DNAH8: variants seen among roughly 807,000 people sequenced by gnomAD.
The protein encoded by DNAH8 is axonemal beta dynein heavy chain 8.
In DNAH8, 382 loss-of-function variants were observed where a neutral mutation model predicts 562.1. The observed-to-expected ratio is 0.68, with a 90% CI of 0.63 to 0.74. The LOEUF is 0.74. DNAH8 is among the 30% of genes least tolerant of loss of function. The pLI is 0.00. For synonymous variants in DNAH8, 1,881 were observed against 1,919.4 expected (o/e 0.98, Z 0.52); for missense variants, 5,203 against 5,620.4 (o/e 0.93, Z 2.37).
Position 38,929,677 on chromosome 6 carries a change from T to TG in DNAH8, c.11274+11_11274+12insG. ...GGCACCACTTTCAAGGTGAGCTTTG[T>TG]AAAAAAAAAAAAAAAGAAAGAAAGA... On this transcript the variant is annotated intron_variant, in intron 75 of 92. Transcript: ENST00000327475. 1.8e-6 allele frequency: 2 copies of TG among 1,097,532 alleles called. No homozygotes were observed. The highest frequency in any genetic ancestry group is 6.3e-5 in the East Asian group (2 of 31,986). 68.0% of individuals were successfully genotyped at this position (1,097,532 alleles called of 1,614,324 possible).
chr6:38,934,351 T>C (rs1423951007), intron 76 of DNAH8, among the ~76,000 whole-genome samples: 5 of 150,966 alleles, frequency 3.3e-5, no homozygotes, highest in Non-Finnish European at 7.4e-5. Flanking sequence ...AGACTCCATC[T>C]CAAAAAAACA....
intron 36 of DNAH8, among the ~76,000 whole-genome samples, chr6:38,847,353 A>G (rs535366545): frequency 7.3e-5 from 11 of 151,562 alleles, no homozygotes; most frequent in Admixed American, 5.3e-4. Flanking sequence ...TGGCCTATCT[A>G]GTTGCTTCAT....
chr6:38,763,340 A>T, intron 11 of DNAH8: 1 of 222,320 alleles, frequency 4.5e-6, no homozygotes, highest in South Asian at 7.1e-5. Context: ...TATAGTTTTT[A>T]TGCTTGGACA....
At chr6:38,923,415 A>G in intron 72 of DNAH8, 2 of 400,020 alleles carry the variant, frequency 5.0e-6, no homozygotes, top group South Asian at 3.6e-5. Context: ...TGCTTTTGAT[A>G]TTGTTTGGAT....
chr6:38,773,035 T>C (rs1219129711), intron 12 of DNAH8, among the ~76,000 whole-genome samples: 2 of 146,420 alleles, frequency 1.4e-5, no homozygotes, highest in African/African-American at 5.1e-5. Flanking sequence ...TGAGCTGGTC[T>C]TGAACTCCTG....
chr6:38,734,335 C>CCT, intron 4 of DNAH8, 139 bp from the exon 5 acceptor site: 2 of 557,574 alleles, frequency 3.6e-6, no homozygotes, highest in South Asian at 2.4e-5. Context: ...GACCCCCCCC[C>CCT]AAAAAAATTA....
chr6:38,904,863 A>G (rs1051033941), intron 62 of DNAH8, among the ~76,000 whole-genome samples: 5 of 151,884 alleles, frequency 3.3e-5, no homozygotes, highest in African/African-American at 4.8e-5. Flanking sequence ...GATATGCATG[A>G]CGACACTTTC....
At position 38,775,937 on chromosome 6, in the gene DNAH8, A is replaced by G; in HGVS notation, c.1948A>G (p.Ile650Val). The G allele has an allele frequency of 6.2e-7, 1 of 1,610,446 alleles. No individual in the cohort carries two copies. The highest frequency in any genetic ancestry group is 1.7e-4 in the Middle Eastern group (1 of 6,034). The stretch of plus-strand genomic sequence containing the variant: ...AGATTTCTTAGATTTCATGACAAAA[A>G]TCAATGGTTTAGAGGTAAGTAATTA... ...DTDFLDFMTK[I>V]NGLEVQIQAF... Residue 650 changes from isoleucine to valine, a missense_variant, in exon 13 of 93, where the codon ATC becomes GTC. By Grantham distance (29) the Ile-to-Val change is conservative (BLOSUM62 3). Coordinates refer to ENST00000327475, the MANE Select transcript of DNAH8 (RefSeq NM_001206927.2).
chr6:38,723,600 C>A, intron 3 of DNAH8, 129 bp downstream of exon 3: 1 of 1,206,510 alleles, frequency 8.3e-7, no homozygotes, highest in Non-Finnish European at 1.2e-6. Context: ...TGGGGCAGGG[C>A]ACAGTGGCTC....
intron 56 of DNAH8, among the ~76,000 whole-genome samples, chr6:38,885,617 T>C (rs1561816472): frequency 6.6e-6 from 1 of 152,248 alleles, no homozygotes; most frequent in Non-Finnish European, 1.5e-5. Context: ...CCCGTGACTC[T>C]TTGCTTCCAC....
chr6:38,786,286 AT>A (rs1186336007), intron 17 of DNAH8, among the ~76,000 whole-genome samples: 1 of 152,154 alleles, frequency 6.6e-6, no homozygotes, highest in Non-Finnish European at 1.5e-5. Flanking sequence ...TTTCTTACTG[AT>A]TTTGAGCCTA....
At chr6:38,910,625 T>C (rs1780816829) in intron 65 of DNAH8, among the ~76,000 whole-genome samples, 1 of 150,548 alleles carries the variant, frequency 6.6e-6, no homozygotes, top group Non-Finnish European at 1.5e-5. Flanking sequence ...AATTTTTACC[T>C]TTGTGCAGCT....
At chr6:38,994,066 AGC>A (rs1301234221) in intron 88 of DNAH8, among the ~76,000 whole-genome samples, 5 of 55,854 alleles carry the variant, frequency 9.0e-5, no homozygotes, top group Admixed American at 8.5e-4. Flanking sequence ...TCATCAACAG[AGC>A]GCTGGTGAGG....
intron 24 of DNAH8, among the ~76,000 whole-genome samples, chr6:38,812,072 A>G (rs747722031): frequency 6.6e-6 from 1 of 152,152 alleles, no homozygotes; most frequent in Non-Finnish European, 1.5e-5. Flanking sequence ...CATCATCTGC[A>G]AGACAGATGG....
At chr6:38,798,511 C>T (rs951918061) in intron 21 of DNAH8, among the ~76,000 whole-genome samples, 5 of 152,022 alleles carry the variant, frequency 3.3e-5, no homozygotes, top group Admixed American at 1.3e-4. Context: ...CTGTTCATGA[C>T]GTGTTATAGA....
At chr6:38,806,131 T>G (rs991580616) in intron 23 of DNAH8, among the ~76,000 whole-genome samples, 4 of 152,184 alleles carry the variant, frequency 2.6e-5, no homozygotes, top group Non-Finnish European at 4.4e-5. Context: ...TTTTTCCTTC[T>G]TAGTCCTCAC....
chr6:38,841,531 C>G (rs1774789186), intron 33 of DNAH8, among the ~76,000 whole-genome samples: 1 of 152,120 alleles, frequency 6.6e-6, no homozygotes, highest in Non-Finnish European at 1.5e-5. Context: ...AATGTCAATC[C>G]TTATAAATAA....
At chr6:38,778,020 AAAG>A (rs1187029123) in intron 13 of DNAH8, among the ~76,000 whole-genome samples, 1 of 152,258 alleles carries the variant, frequency 6.6e-6, no homozygotes, top group Non-Finnish European at 1.5e-5. Context: ...ATAAAAGTAA[AAAG>A]AAGCAGGTGA....
chr6:38,920,600 CACA>C (rs1411136262), intron 70 of DNAH8, among the ~76,000 whole-genome samples: 3 of 152,044 alleles, frequency 2.0e-5, no homozygotes, highest in African/African-American at 7.2e-5. Flanking sequence ...TAGTATTTAT[CACA>C]ACATTATTTG....
Sources: gnomAD v4.1 joint callset for allele counts (sites outside exome capture counted in the v4.1 genomes callset) on GRCh38, gnomAD v4.1.1 for gene constraint, MANE v1.5 for transcripts, NCBI Gene and HGNC (gene_info 2026-07-23, HGNC 2026-07-21) for gene names.